Variants in KITLG observed in about 807,000 individuals in gnomAD.
KITLG encodes c-Kit ligand.
KITLG carries 13 observed loss-of-function variants against 34.1 expected under a neutral mutation model. That is an observed-to-expected ratio of 0.38 (90% CI 0.25 to 0.61). The LOEUF is 0.61. Ranked by LOEUF, KITLG falls within the 20% of genes least tolerant of loss-of-function variation. The pLI is 0.60. For synonymous variants in KITLG, 110 were observed against 104.0 expected (o/e 1.06, Z -0.35); for missense variants, 292 against 318.9 (o/e 0.92, Z 0.64).
At position 88,569,041 on chromosome 12, in the gene KITLG, G is replaced by A. The variant is rs981048296; in HGVS notation, c.15+11223C>T. Reference sequence around the variant, plus strand: ...TCTTTCCATTTTCTTTTGACAAGTGGCTATATTTCTATGGATGCTGAAAAT... The same window carrying A: ...TCTTTCCATTTTCTTTTGACAAGTGACTATATTTCTATGGATGCTGAAAAT... On this transcript the variant is annotated intron_variant, in intron 1 of 9. Transcript: ENST00000644744. 3.3e-5 allele frequency among the ~76,000 whole-genome samples: 5 copies of A among 152,120 alleles called. No homozygotes were observed. In the East Asian group the frequency reaches 9.7e-4, roughly 29 times the overall value.
intron 3 of KITLG, among the ~76,000 whole-genome samples, chr12:88,527,695 G>A (rs1869929274): frequency 6.6e-6 from 1 of 152,176 alleles, no homozygotes; most frequent in African/African-American, 2.4e-5. Context: ...ATAAACAGTT[G>A]AACATCTTAA....
intron 3 of KITLG, 56 bp downstream of exon 3, chr12:88,532,385 G>A: frequency 3.3e-6 from 4 of 1,224,704 alleles, no homozygotes; most frequent in Non-Finnish European, 4.8e-6. Context: ...CAATATGAAT[G>A]ATCCCATTTC....
intron 2 of KITLG, 86 bp from the exon 3 acceptor site, chr12:88,532,589 A>C (rs889204674): frequency 1.0e-5 from 9 of 891,820 alleles, no homozygotes; most frequent in Admixed American, 8.4e-5. Flanking sequence ...AAAGCACACA[A>C]AACTGTTGTG....
chr12:88,580,443 T>C lies in KITLG; in HGVS notation c.-165A>G, dbSNP rs963396134. ...CTGTCCCTGCTTCCCGCAGCGCTTC[T>C]AGTCTCGGCGCGAGGCGGCGAGCGA... On this transcript the variant is annotated 5_prime_UTR_variant, in exon 1 of 10. Transcript: ENST00000644744. 4.8e-6 allele frequency: 4 copies of C among 840,556 alleles called. No individual in the cohort carries two copies. Among genetic ancestry groups the C allele is most frequent in the South Asian group, 1.6e-5 (1 of 62,518 alleles). 52.1% of individuals were successfully genotyped at this position (840,556 alleles called of 1,614,324 possible).
At chr12:88,573,696 C>T (rs1198935636) in intron 1 of KITLG, among the ~76,000 whole-genome samples, 2 of 152,178 alleles carry the variant, frequency 1.3e-5, no homozygotes, top group Non-Finnish European at 2.9e-5. Flanking sequence ...AAACACAACG[C>T]CCCCCTCCAA....
chr12:88,519,893 G>A (rs944392589), intron 3 of KITLG, among the ~76,000 whole-genome samples: 1 of 152,022 alleles, frequency 6.6e-6, no homozygotes, highest in Non-Finnish European at 1.5e-5. Flanking sequence ...TAAAATGCTG[G>A]GATTAGAGGC....
intron 1 of KITLG, among the ~76,000 whole-genome samples, chr12:88,555,091 AG>A (rs1871053404): frequency 6.6e-6 from 1 of 152,200 alleles, no homozygotes; most frequent in Non-Finnish European, 1.5e-5. Flanking sequence ...AAAACTAGAA[AG>A]AAGTTGCTTA....
intron 1 of KITLG, among the ~76,000 whole-genome samples, chr12:88,578,232 G>A (rs971152525): frequency 1.3e-5 from 2 of 151,926 alleles, no homozygotes; most frequent in Admixed American, 1.3e-4. Context: ...CTTTTTCAGT[G>A]ACTGTGGAAT....
chr12:88,544,418 C>T (rs765379263), intron 2 of KITLG, among the ~76,000 whole-genome samples: 12 of 151,936 alleles, frequency 7.9e-5, no homozygotes, highest in Non-Finnish European at 1.3e-4. Context: ...AGATTTTAAA[C>T]ACATACTGTC....
intron 1 of KITLG, 115 bp from the exon 2 acceptor site, chr12:88,545,980 G>A (rs773407220): frequency 2.3e-4 from 175 of 753,190 alleles, no homozygotes; most frequent in Non-Finnish European, 3.7e-4. Flanking sequence ...TATGTTATTG[G>A]CTTAAATGCA....
intron 9 of KITLG, among the ~76,000 whole-genome samples, chr12:88,500,755 G>A (rs1014945583): frequency 1.1e-4 from 16 of 152,156 alleles, no homozygotes; most frequent in African/African-American, 3.6e-4. Flanking sequence ...CACGCATGGT[G>A]TCAAATAAAC....
intron 2 of KITLG, among the ~76,000 whole-genome samples, chr12:88,537,000 A>G (rs572911067): frequency 4.7e-4 from 72 of 152,172 alleles, no homozygotes; most frequent in African/African-American, 1.7e-3. Flanking sequence ...AATGTCAAAA[A>G]ACAACAGATG....
Position 88,506,382 on chromosome 12 carries a change from G to A in KITLG, c.715-4C>T, listed in dbSNP as rs1869062117. 1.3e-6 allele frequency: 2 copies of A among 1,582,976 alleles called. No homozygotes were observed. Among genetic ancestry groups the A allele is most frequent in the Non-Finnish European group, 1.7e-6 (2 of 1,151,830 alleles). Reference sequence around the variant, plus strand: ...TTGTAAGACTTGGCTGTCTCTTCTGGAAAAAGAAGAAAGACATATACTGTA... The same window carrying A: ...TTGTAAGACTTGGCTGTCTCTTCTGAAAAAAGAAGAAAGACATATACTGTA... On this transcript the variant is annotated splice_polypyrimidine_tract_variant and splice_region_variant and intron_variant, in intron 7 of 9. Transcript: ENST00000644744.
chr12:88,509,521 C>T (rs752772997), intron 6 of KITLG, among the ~76,000 whole-genome samples: 60 of 152,256 alleles, frequency 3.9e-4, no homozygotes, highest in Admixed American at 8.5e-4. Flanking sequence ...ACAGTTCCAT[C>T]CCTAAGACTG....
chr12:88,576,659 G>T (rs1871835462), intron 1 of KITLG, among the ~76,000 whole-genome samples: 1 of 152,114 alleles, frequency 6.6e-6, no homozygotes, highest in Non-Finnish European at 1.5e-5. Context: ...TAGTAAAACA[G>T]GAATTAGAAT....
intron 2 of KITLG, among the ~76,000 whole-genome samples, chr12:88,540,646 A>G (rs966447444): frequency 6.6e-6 from 1 of 152,116 alleles, no homozygotes; most frequent in Non-Finnish European, 1.5e-5. Context: ...ACAAAAGATA[A>G]AAATAAAAAT....
intron 9 of KITLG, among the ~76,000 whole-genome samples, chr12:88,499,469 C>T (rs1868771293): frequency 6.6e-6 from 1 of 152,172 alleles, no homozygotes; most frequent in African/African-American, 2.4e-5. Context: ...ATGCTATTTA[C>T]TATCAACCAC....
intron 3 of KITLG, among the ~76,000 whole-genome samples, chr12:88,524,666 T>C (rs1048229289): frequency 3.3e-5 from 5 of 152,132 alleles, no homozygotes; most frequent in Non-Finnish European, 5.9e-5. Context: ...TATCAGAGAA[T>C]AATGGCCTAG....
Position 88,572,282 on chromosome 12 carries a change from A to G in KITLG, c.15+7982T>C, listed in dbSNP as rs537346651. Among the ~76,000 whole-genome samples, 9 of 152,126 alleles carry G rather than the reference A, an allele frequency of 5.9e-5. No individual in the cohort carries two copies. The South Asian group carries it at 1.9e-3, about 31-fold the overall frequency. On this transcript the variant is annotated intron_variant, in intron 1 of 9. Transcript: ENST00000644744. Reference sequence around the variant, plus strand: ...GCTTAGAACAGGTCCTGACATTGTGAGCATTATATAAGGATTTGCTAGTAT... The same window carrying G: ...GCTTAGAACAGGTCCTGACATTGTGGGCATTATATAAGGATTTGCTAGTAT...
Sources: gnomAD v4.1 joint callset for allele counts (sites outside exome capture counted in the v4.1 genomes callset) on GRCh38, gnomAD v4.1.1 for gene constraint, MANE v1.5 for transcripts, NCBI Gene and HGNC (gene_info 2026-07-23, HGNC 2026-07-21) for gene names.